The following IQCH variants were observed in gnomAD, a reference collection of about 807,000 sequenced individuals.
The protein encoded by IQCH is IQ domain-containing protein H.
In IQCH, 98 loss-of-function variants were observed where a neutral mutation model predicts 117.0. The ratio of observed to expected loss-of-function variants is 0.84; its 90% CI spans 0.71 to 0.99. IQCH has a LOEUF of 0.99. Among genes scored for constraint, IQCH ranks in the 50% least tolerant of loss-of-function variants. IQCH has a pLI of 0.00. For missense variants in IQCH, 1,102 were observed against 1,243.8 expected, an observed-to-expected ratio of 0.89 and a Z score of 1.72; for synonymous variants, 412 against 448.2, an observed-to-expected ratio of 0.92 and a Z score of 1.02.
chr15:67,492,205 C>T (rs1195089199), intron 19 of IQCH, among the ~76,000 whole-genome samples: 1 of 152,134 alleles, frequency 6.6e-6, no homozygotes, highest in Admixed American at 6.5e-5. Context: ...AAGCAGGCAA[C>T]ATTCAAGGTC....
At position 67,454,463 on chromosome 15, in the gene IQCH, T is replaced by C. The variant is rs1022004231; in HGVS notation, c.2506-10664T>C. 1.3e-5 allele frequency among the ~76,000 whole-genome samples: 2 copies of C among 152,206 alleles called. No individual in the cohort carries two copies. The highest frequency in any genetic ancestry group is 4.8e-5 in the African/African-American group (2 of 41,460). Reference sequence around the variant, plus strand: ...TTTAAAATATACATTACAATGGTTTTTAGTATATTCACAGAGTTGTGCAAC... The same window carrying C: ...TTTAAAATATACATTACAATGGTTTCTAGTATATTCACAGAGTTGTGCAAC... On this transcript the variant is annotated intron_variant, in intron 16 of 20. Coordinates refer to ENST00000335894, the MANE Select transcript of IQCH (RefSeq NM_001031715.3). The surrounding 1 kb of genome is among the most constrained non-coding windows in gnomAD (Gnocchi z 5.2).
At chr15:67,276,850 A>G (rs1211532049) in intron 3 of IQCH, among the ~76,000 whole-genome samples, 1 of 152,070 alleles carries the variant, frequency 6.6e-6, no homozygotes, top group African/African-American at 2.4e-5. Context: ...GAAATTCCTG[A>G]ATCTGTAGCT....
rs1417100200 is a variant in IQCH, at chr15:67,466,441, A to ACT, written c.2676+1144_2676+1145insCT. On this transcript the variant is annotated intron_variant, in intron 17 of 20. Coordinates refer to ENST00000335894, the MANE Select transcript of IQCH (RefSeq NM_001031715.3). This position sits in a 1 kb window ranked among gnomAD's most constrained non-coding sequence, Gnocchi z 4.4. ...TGAAATCCAAATATATCAAACAGATAAAAGAGGAACTCTAGTGATTAATGG... is the reference window on the plus strand; with the variant it reads ...TGAAATCCAAATATATCAAACAGATACTAAAGAGGAACTCTAGTGATTAATGG... 6.6e-6 allele frequency: 1 copy of ACT among 152,254 alleles called. No individual in the cohort carries two copies. Among genetic ancestry groups the ACT allele is most frequent in the Non-Finnish European group, 1.5e-5 (1 of 68,050 alleles). 9.4% of individuals were successfully genotyped at this position (152,254 alleles called of 1,614,324 possible). A position where few individuals can be genotyped will look rare whatever the true frequency, so the allele number is the denominator to read the frequency against.
At chr15:67,412,346 T>C (rs2081471400) in intron 14 of IQCH, among the ~76,000 whole-genome samples, 1 of 152,210 alleles carries the variant, frequency 6.6e-6, no homozygotes, top group African/African-American at 2.4e-5. Context: ...CACCTTGTTG[T>C]TACTCAATGC....
chr15:67,444,592 TAG>T (rs2082352814), intron 16 of IQCH, among the ~76,000 whole-genome samples: 1 of 152,202 alleles, frequency 6.6e-6, no homozygotes, highest in South Asian at 2.1e-4. Context: ...GGACAACAGG[TAG>T]AGTCATTCCC....
intron 8 of IQCH, chr15:67,371,462 A>T (rs377486889): frequency 2.6e-6 from 4 of 1,562,120 alleles, no homozygotes; most frequent in Non-Finnish European, 3.5e-6. Flanking sequence ...ACAGCCCCAG[A>T]TATGTTCCTA....
intron 18 of IQCH, among the ~76,000 whole-genome samples, chr15:67,485,551 A>G (rs779415888): frequency 2.0e-5 from 3 of 152,210 alleles, no homozygotes; most frequent in African/African-American, 4.8e-5. Context: ...CACATATCCA[A>G]CCTCATTCAA....
At chr15:67,280,837 G>GTTATTATTATTATTA (rs61573874) in intron 4 of IQCH, among the ~76,000 whole-genome samples, 16 of 125,136 alleles carry the variant, frequency 1.3e-4, no homozygotes, top group African/African-American at 4.3e-4. Context: ...AGAAGGAGGT[G>GTTATTATTATTATTA]TTATTATTAT....
At chr15:67,315,997 C>T (rs1441038711) in intron 4 of IQCH, among the ~76,000 whole-genome samples, 1 of 152,172 alleles carries the variant, frequency 6.6e-6, no homozygotes, top group Non-Finnish European at 1.5e-5. Context: ...CTTCCCAAAG[C>T]CACCAGGAGT....
intron 8 of IQCH, among the ~76,000 whole-genome samples, chr15:67,367,040 G>C (rs1475484416): frequency 6.6e-6 from 1 of 152,080 alleles, no homozygotes; most frequent in African/African-American, 2.4e-5. Flanking sequence ...AGTCAGAGAG[G>C]CGTAGGGTAT....
chr15:67,255,523 A>G (rs777145922), intron 1 of IQCH, among the ~76,000 whole-genome samples: 6 of 152,262 alleles, frequency 3.9e-5, no homozygotes. Context: ...TGTCCAATAC[A>G]GCTCAATTTG....
intron 1 of IQCH, among the ~76,000 whole-genome samples, chr15:67,260,754 T>G (rs1445067593): frequency 6.6e-6 from 1 of 152,154 alleles, no homozygotes. Context: ...TATGAAAGAA[T>G]AATTTTTCAC....
At chr15:67,371,014 A>G (rs1314832070) in intron 8 of IQCH, among the ~76,000 whole-genome samples, 2 of 152,240 alleles carry the variant, frequency 1.3e-5, no homozygotes, top group Admixed American at 6.5e-5. Context: ...GCGAAGAGTA[A>G]TAATAACCCC....
intron 6 of IQCH, among the ~76,000 whole-genome samples, chr15:67,346,016 C>A (rs1386369828): frequency 6.6e-6 from 1 of 151,402 alleles, no homozygotes; most frequent in Non-Finnish European, 1.5e-5. Context: ...AATTATAGGA[C>A]TAGACACAAA....
At position 67,425,792 on chromosome 15, in the gene IQCH, T is replaced by G. The variant is rs559947457; in HGVS notation, c.2505+4215T>G. On this transcript the variant is annotated intron_variant, in intron 16 of 20. Transcript: ENST00000335894. This position sits in a 1 kb window ranked among gnomAD's most constrained non-coding sequence, Gnocchi z 5.5. Reference sequence around the variant, plus strand: ...AATTTTGTATTTCTGTGGAAAATTTTCTGGTAAAATTTTGTGTAGAAATTT... The same window carrying G: ...AATTTTGTATTTCTGTGGAAAATTTGCTGGTAAAATTTTGTGTAGAAATTT... Among the ~76,000 whole-genome samples, 1 of 152,326 alleles carries G rather than the reference T, an allele frequency of 6.6e-6. No individual in the cohort carries two copies. The highest frequency in any genetic ancestry group is 6.5e-5 in the Admixed American group (1 of 15,296).
chr15:67,441,532 AAT>A (rs1482145693), intron 16 of IQCH, among the ~76,000 whole-genome samples: 1 of 152,212 alleles, frequency 6.6e-6, no homozygotes, highest in Admixed American at 6.5e-5. Flanking sequence ...CTGGTATAAA[AAT>A]AGGCACATAG....
At chr15:67,371,401 C>T in intron 8 of IQCH, 5 of 1,098,714 alleles carry the variant, frequency 4.6e-6, no homozygotes, top group Non-Finnish European at 6.2e-6. Context: ...AAATGAAAAG[C>T]AAATGCTCCC....
At chr15:67,265,575 G>T (rs1965636641) in intron 3 of IQCH, among the ~76,000 whole-genome samples, 1 of 152,134 alleles carries the variant, frequency 6.6e-6, no homozygotes, top group South Asian at 2.1e-4. Context: ...AAAAACTGGA[G>T]AAAAATCCAA....
chr15:67,485,575 C>G (rs1414739543), intron 18 of IQCH, among the ~76,000 whole-genome samples: 3 of 152,184 alleles, frequency 2.0e-5, no homozygotes, highest in Non-Finnish European at 4.4e-5. Context: ...CACTAAAAAC[C>G]TCAGGCAAGA....
Sources: allele counts gnomAD v4.1 joint callset (sites outside exome capture counted in the v4.1 genomes callset), GRCh38; gene constraint gnomAD v4.1.1; non-coding constraint Gnocchi (gnomAD v3.1); transcripts MANE v1.5; gene names NCBI Gene and HGNC (gene_info 2026-07-23, HGNC 2026-07-21).